DOCK2: variants seen among roughly 807,000 people sequenced by gnomAD.
DOCK2 encodes dedicator of cytokinesis 2, also known as dedicator of cytokinesis protein 2.
A neutral mutation model predicts 248.9 loss-of-function variants in DOCK2; 87 were observed. The ratio of observed to expected loss-of-function variants is 0.35; its 90% CI spans 0.29 to 0.42. The LOEUF (loss-of-function observed/expected upper bound fraction) is 0.42, where lower values mean the gene tolerates loss of function less well. Among genes scored for constraint, DOCK2 ranks in the 10% least tolerant of loss-of-function variants. The probability of loss-of-function intolerance (pLI) is 1.00; values close to 1 mark genes in which losing one functional copy is unlikely to be tolerated. For synonymous variants in DOCK2, 805 were observed against 821.6 expected, an observed-to-expected ratio of 0.98 and a Z score of 0.35; for missense variants, 1,747 against 2,300.2, an observed-to-expected ratio of 0.76 and a Z score of 4.92.
intron 27 of DOCK2, among the ~76,000 whole-genome samples, chr5:169,959,162 G>C (rs929225568): frequency 2.0e-5 from 3 of 152,104 alleles, no homozygotes; most frequent in African/African-American, 7.2e-5. Context: ...GGAGGCCGAG[G>C]GGGGCGGATC....
intron 27 of DOCK2, among the ~76,000 whole-genome samples, chr5:169,979,856 G>A (rs755605609): frequency 8.5e-5 from 13 of 152,196 alleles, no homozygotes; most frequent in Admixed American, 4.6e-4. Flanking sequence ...AAAAGATAAT[G>A]GTTTTTTTCA....
chr5:169,826,685 A>G (rs980280622), intron 26 of DOCK2, among the ~76,000 whole-genome samples: 1 of 152,108 alleles, frequency 6.6e-6, no homozygotes, highest in Non-Finnish European at 1.5e-5. Flanking sequence ...AATATATAAG[A>G]GTTAGTTATG....
Position 170,027,907 on chromosome 5 carries a change from G to A in DOCK2, c.3426G>A (p.Gly1142=). ...TGAAGCTGGACCACGAGGTAGAAGG[G>A]GGCCGAGGCGACGAGCAGTACATGC... ...IILKLDHEVE[G]GRGDEQYMQL... is the part of the protein sequence containing the mutation. Residue 1142 remains glycine, a synonymous_variant, in exon 34 of 52, where the codon GGG becomes GGA. Coordinates refer to ENST00000520908, the MANE Select transcript of DOCK2 (RefSeq NM_004946.3). The A allele has an allele frequency of 6.2e-7, 1 of 1,613,420 alleles. No homozygotes were observed. Among genetic ancestry groups the A allele is most frequent in the Non-Finnish European group, 8.5e-7 (1 of 1,179,574 alleles).
chr5:169,771,767 TG>T (rs1432133202), intron 25 of DOCK2, among the ~76,000 whole-genome samples: 1 of 152,228 alleles, frequency 6.6e-6, no homozygotes, highest in African/African-American at 2.4e-5. Flanking sequence ...ATCAAATCAA[TG>T]TTTTTTTAGT....
At chr5:169,882,634 G>A in intron 27 of DOCK2, 24 of 1,551,978 alleles carry the variant, frequency 1.5e-5, no homozygotes, top group Non-Finnish European at 2.1e-5. Context: ...CGAGTGCAGA[G>A]ATTCCTCCAC....
intron 49 of DOCK2, 43 bp downstream of exon 49, chr5:170,079,189 A>G (rs1757940853): frequency 1.3e-6 from 2 of 1,593,168 alleles, no homozygotes; most frequent in Non-Finnish European, 1.7e-6. Flanking sequence ...CTGTTAGCAC[A>G]TTTCCACTAC....
At chr5:169,883,000 G>A (rs1366199210) in intron 27 of DOCK2, 5 of 1,551,644 alleles carry the variant, frequency 3.2e-6, no homozygotes, top group African/African-American at 2.7e-5. Flanking sequence ...AGGAACACAC[G>A]TTTCCTTTGA....
rs546473083 is a variant in DOCK2, at chr5:169,807,066, TG to T, written c.2703+3865del. On this transcript the variant is annotated intron_variant, in intron 26 of 51. Transcript: ENST00000520908. ...GAGACCTGGGCAGGGCGTCACTGGC[TG>T]GGGGTCCCCGGCTTGCAAAGCGACT... Among the ~76,000 whole-genome samples the T allele has an allele frequency of 5.3e-3, 803 of 152,156 alleles. 7 individuals are homozygous for T. The highest frequency in any genetic ancestry group is 0.018 in the African/African-American group (762 of 41,486).
At chr5:170,002,613 TGA>T (rs1754879099) in intron 30 of DOCK2, among the ~76,000 whole-genome samples, 1 of 152,226 alleles carries the variant, frequency 6.6e-6, no homozygotes. Context: ...TATAATTTTT[TGA>T]GAGTTAATTA....
chr5:170,032,542 AAAGC>A (rs1202714368), intron 34 of DOCK2, among the ~76,000 whole-genome samples: 1 of 152,120 alleles, frequency 6.6e-6, no homozygotes, highest in Non-Finnish European at 1.5e-5. Context: ...CCTGCCCTGG[AAAGC>A]TTTAAAAAAT....
In DOCK2 at chr5:169,637,513, G is replaced by A. The variant is rs144118902; in HGVS notation, c.43+144G>A. On this transcript the variant is annotated intron_variant, in intron 1 of 51. Transcript: ENST00000520908. ...AGGGCGCAGCCTGCGGCGGGGCCTC[G>A]GGGCGGGAAAGCCGAGGCTCGGGGA... The A allele has an allele frequency of 4.2e-3, 4,187 of 1,004,078 alleles. 16 individuals are homozygous for A. Among genetic ancestry groups the A allele is most frequent in the Middle Eastern group, 0.013 (36 of 2,802 alleles). 62.2% of individuals were successfully genotyped at this position (1,004,078 alleles called of 1,614,324 possible). A position where few individuals can be genotyped will look rare whatever the true frequency, so the allele number is the denominator to read the frequency against.
intron 22 of DOCK2, among the ~76,000 whole-genome samples, chr5:169,724,710 G>A (rs1299367220): frequency 1.3e-5 from 2 of 151,426 alleles, no homozygotes; most frequent in Non-Finnish European, 2.9e-5. Context: ...CAGCATCAAT[G>A]ACCAGACCCC....
At chr5:169,707,035 C>A (rs1761307128) in intron 14 of DOCK2, among the ~76,000 whole-genome samples, 1 of 152,184 alleles carries the variant, frequency 6.6e-6, no homozygotes, top group African/African-American at 2.4e-5. Flanking sequence ...ACACAGTTTG[C>A]AATTTCAGGG....
chr5:170,033,203 T>C (rs971456538), intron 34 of DOCK2, among the ~76,000 whole-genome samples: 6 of 152,212 alleles, frequency 3.9e-5, no homozygotes, highest in African/African-American at 1.4e-4. Flanking sequence ...TTAACCCATC[T>C]GTTTCTCCCC....
chr5:169,958,887 C>G (rs535763008), intron 27 of DOCK2, among the ~76,000 whole-genome samples: 1 of 152,094 alleles, frequency 6.6e-6, no homozygotes. Context: ...AAACCTAGTA[C>G]GCTTTGTGTC....
At chr5:169,878,562 T>C (rs1772458251) in intron 27 of DOCK2, among the ~76,000 whole-genome samples, 1 of 152,240 alleles carries the variant, frequency 6.6e-6, no homozygotes, top group African/African-American at 2.4e-5. Flanking sequence ...AGAAATGTGA[T>C]AAGCCAGCAT....
chr5:170,030,693 G>GTTCACATTTC (rs1756102506), intron 34 of DOCK2, among the ~76,000 whole-genome samples: 1 of 152,194 alleles, frequency 6.6e-6, no homozygotes, highest in Non-Finnish European at 1.5e-5. Context: ...TCACATAGAG[G>GTTCACATTTC]ACAGTCAATT....
intron 36 of DOCK2, among the ~76,000 whole-genome samples, chr5:170,040,216 A>G (rs1353536060): frequency 2.0e-5 from 3 of 152,228 alleles, no homozygotes; most frequent in African/African-American, 7.2e-5. Flanking sequence ...TTTACAGATG[A>G]GCAAACTAAG....
intron 22 of DOCK2, among the ~76,000 whole-genome samples, chr5:169,740,001 A>T (rs528530127): frequency 6.4e-4 from 97 of 152,312 alleles, no homozygotes; most frequent in Non-Finnish European, 2.5e-4. Context: ...GGGGGGAAAA[A>T]CCCTAAATAC....
Sources: allele counts gnomAD v4.1 joint callset (sites outside exome capture counted in the v4.1 genomes callset), GRCh38; gene constraint gnomAD v4.1.1; transcripts MANE v1.5; gene names NCBI Gene and HGNC (gene_info 2026-07-23, HGNC 2026-07-21).